COL6A5: variants seen among roughly 807,000 people sequenced by gnomAD.
The protein encoded by COL6A5 is collagen type VI alpha 5 chain.
In COL6A5, 48 loss-of-function variants were observed where a neutral mutation model predicts 65.6. The observed-to-expected ratio is 0.73, with a 90% CI of 0.58 to 0.93. The LOEUF is 0.93. Among genes scored for constraint, COL6A5 ranks in the 40% least tolerant of loss-of-function variants. The pLI is 0.00. For missense variants in COL6A5, 914 were observed against 928.3 expected (o/e 0.98, Z 0.20); for synonymous variants, 291 against 322.8 (o/e 0.90, Z 1.05).
intron 7 of COL6A5, among the ~76,000 whole-genome samples, chr3:130,478,326 G>A (rs747924526): frequency 1.3e-5 from 2 of 152,090 alleles, no homozygotes; most frequent in Admixed American, 6.6e-5. Flanking sequence ...GCCAGTTTTA[G>A]TTCTGTGGCT....
At chr3:130,481,437 A>G (rs141543593) in intron 7 of COL6A5, among the ~76,000 whole-genome samples, 4,834 of 152,046 alleles carry the variant, frequency 0.032, 113 homozygotes, top group South Asian at 0.097. Flanking sequence ...TCTTTATCCA[A>G]TCTATCACTG....
At chr3:130,452,552 G>A (rs1292523866) in intron 4 of COL6A5, among the ~76,000 whole-genome samples, 3 of 152,152 alleles carry the variant, frequency 2.0e-5, no homozygotes, top group Non-Finnish European at 4.4e-5. Context: ...TACGAATAGG[G>A]TGTGGGTCAC....
At chr3:130,376,919 AG>A in intron 3 of COL6A5, 83 bp downstream of exon 3, 1 of 1,391,340 alleles carries the variant, frequency 7.2e-7, no homozygotes, top group Non-Finnish European at 9.5e-7. Flanking sequence ...AACTCATGTT[AG>A]GTTTTCATGA....
At position 130,395,226 on chromosome 3, in the gene COL6A5, C is replaced by G. The variant is rs1427308886; in HGVS notation, c.3329C>G (p.Thr1110Ser). ...AGAAGAAATGCTGGTGTCCCCCAAA[C>G]TTTGGTTGTTATCACATCTGGAGAT... Residue 1110 changes from threonine (T) to serine (S), a missense_variant and NMD_transcript_variant, in exon 8 of 42, where the codon ACT becomes AGT. By Grantham distance (58) the Thr-to-Ser change is moderately conservative. Coordinates refer to the COL6A5 transcript ENST00000312481. The G allele has an allele frequency of 6.4e-6, 10 of 1,551,568 alleles. No homozygotes were observed. In the African/African-American group the frequency reaches 1.1e-4, roughly 17 times the overall value.
chr3:130,426,142 CTTGTT>C (rs1577497673), intron 29 of COL6A5, 67 bp from the exon 30 acceptor site: 1 of 1,441,576 alleles, frequency 6.9e-7, no homozygotes. Flanking sequence ...TTTGTTTTGT[CTTGTT>C]TTATTACTAA....
upstream of COL6A5, among the ~76,000 whole-genome samples, chr3:130,430,392 T>G (rs1355911532): frequency 1.3e-5 from 2 of 152,222 alleles, no homozygotes; most frequent in Non-Finnish European, 2.9e-5. Context: ...ACTTCTCTAT[T>G]TTTATTTCTA....
chr3:130,415,565 G>A (rs1438351936), intron 22 of COL6A5, 80 bp from the exon 23 acceptor site: 3 of 1,298,154 alleles, frequency 2.3e-6, no homozygotes, highest in Non-Finnish European at 2.2e-6. Context: ...TTGCTTTTCT[G>A]CAGGGTGTTT....
chr3:130,385,460 G>T, intron 5 of COL6A5, 96 bp downstream of exon 5: 5 of 1,286,024 alleles, frequency 3.9e-6, no homozygotes, highest in Non-Finnish European at 5.3e-6. Context: ...GTGACCAGTT[G>T]TCCGGATAAC....
exon 4 of COL6A5, chr3:130,379,637 C>G: frequency 1.3e-6 from 2 of 1,551,480 alleles, no homozygotes; most frequent in East Asian, 2.4e-5. Context: ...ACAACCCAAT[C>G]TGAATTTCAG....
intron 4 of COL6A5, among the ~76,000 whole-genome samples, chr3:130,445,888 G>A (rs1254666635): frequency 6.6e-6 from 1 of 152,110 alleles, no homozygotes; most frequent in Non-Finnish European, 1.5e-5. Flanking sequence ...ATTACTGCAT[G>A]TGAGTTAACA....
At chr3:130,477,227 G>A (rs931910656) in intron 7 of COL6A5, 2 of 627,976 alleles carry the variant, frequency 3.2e-6, no homozygotes, top group East Asian at 5.5e-5. Flanking sequence ...TGCATATAAA[G>A]CTCAAAGTAC....
chr3:130,354,085 AAAAAG>A (rs368452086), intron 1 of COL6A5, among the ~76,000 whole-genome samples: 3 of 149,030 alleles, frequency 2.0e-5, no homozygotes, highest in Admixed American at 1.3e-4. Context: ...AAAAGAACAA[AAAAAG>A]AAAAGAAGAA....
chr3:130,440,081 A>T, intron 2 of COL6A5, 85 bp from the exon 35 acceptor site: 3 of 988,322 alleles, frequency 3.0e-6, no homozygotes, highest in Non-Finnish European at 3.0e-6. Context: ...CTTGGTAATT[A>T]GTCACTGAGT....
chr3:130,385,331 A>C (rs1029028903), exon 5 of COL6A5: 6 of 1,550,308 alleles, frequency 3.9e-6, no homozygotes, highest in Non-Finnish European at 5.2e-6. Context: ...AAGCATAAAA[A>C]ATGAAGTCGT....
chr3:130,406,156 A>C, exon 16 of COL6A5: 1 of 1,550,494 alleles, frequency 6.4e-7, no homozygotes, highest in East Asian at 2.4e-5. Context: ...GATGGGATTG[A>C]TGGACTTGAT....
chr3:130,469,509 T>C lies in COL6A5; in HGVS notation c.2231+28T>C, dbSNP rs372491483. ...AAGTCATTAATTCTCTTTGATTGCT[T>C]TTGCAATAGATTTAATGTTTCTGTG... On this transcript the variant is annotated intron_variant, in intron 6 of 7. Coordinates refer to ENST00000512836, the Ensembl canonical transcript of COL6A5. 13 of 1,541,220 alleles carry C rather than the reference T, an allele frequency of 8.4e-6. No homozygotes were observed. The African/African-American group carries it at 1.5e-4, about 18-fold the overall frequency.
chr3:130,389,074 A>T, exon 6 of COL6A5: 2 of 1,480,558 alleles, frequency 1.4e-6, no homozygotes, highest in Non-Finnish European at 1.8e-6. Flanking sequence ...TCATGTTGAG[A>T]ACTTCGATCA....
intron 3 of COL6A5, among the ~76,000 whole-genome samples, chr3:130,377,167 C>T (rs1221808262): frequency 1.3e-5 from 2 of 152,148 alleles, no homozygotes; most frequent in African/African-American, 4.8e-5. Flanking sequence ...GACAGCAGCA[C>T]TTCCTGTAAC....
At chr3:130,368,911 C>T (rs985558864) in intron 1 of COL6A5, among the ~76,000 whole-genome samples, 4 of 152,160 alleles carry the variant, frequency 2.6e-5, no homozygotes, top group African/African-American at 7.2e-5. Flanking sequence ...GAGGCTAAGC[C>T]GAGAATTTAA....
Sources: allele counts gnomAD v4.1 joint callset (sites outside exome capture counted in the v4.1 genomes callset), GRCh38; gene constraint gnomAD v4.1.1; transcripts MANE v1.5; gene names NCBI Gene and HGNC (gene_info 2026-07-23, HGNC 2026-07-21).